The following ANKS1B variants were observed in gnomAD, a reference collection of about 807,000 sequenced individuals.
ANKS1B encodes ankyrin repeat and sterile alpha motif domain containing 1B.
ANKS1B carries 36 observed loss-of-function variants against 148.3 expected under a neutral mutation model. The observed-to-expected ratio is 0.24, with a 90% CI of 0.19 to 0.32. The LOEUF (loss-of-function observed/expected upper bound fraction) is 0.32, where lower values mean the gene tolerates loss of function less well. ANKS1B is among the 10% of genes least tolerant of loss of function. ANKS1B has a pLI of 1.00. For missense variants in ANKS1B, 1,157 were observed against 1,542.6 expected (o/e 0.75, Z 4.19); for synonymous variants, 542 against 560.8 (o/e 0.97, Z 0.47).
chr12:99,881,580 C>T (rs2092493218), intron 1 of ANKS1B, among the ~76,000 whole-genome samples: 1 of 152,132 alleles, frequency 6.6e-6, no homozygotes, highest in Non-Finnish European at 1.5e-5. Context: ...GATATGAGCC[C>T]GTCCTGAGCT....
intron 14 of ANKS1B, among the ~76,000 whole-genome samples, chr12:99,220,768 G>C (rs2084995062): frequency 6.6e-6 from 1 of 151,990 alleles, no homozygotes; most frequent in African/African-American, 2.4e-5. Context: ...TTTCTAATCA[G>C]TGAGGATGAC....
At chr12:99,202,962 CTCAAGAGT>C (rs2082238979) in intron 14 of ANKS1B, among the ~76,000 whole-genome samples, 1 of 152,196 alleles carries the variant, frequency 6.6e-6, no homozygotes, top group Non-Finnish European at 1.5e-5. Flanking sequence ...CCTCAGACTT[CTCAAGAGT>C]TCCAAGACTT....
intron 9 of ANKS1B, among the ~76,000 whole-genome samples, chr12:99,628,044 G>A (rs1445379485): frequency 6.6e-6 from 1 of 152,054 alleles, no homozygotes; most frequent in African/African-American, 2.4e-5. Context: ...GCATCACTGA[G>A]TACACTTACA....
intron 9 of ANKS1B, among the ~76,000 whole-genome samples, chr12:99,547,954 T>C (rs1476368127): frequency 1.3e-5 from 2 of 152,222 alleles, no homozygotes; most frequent in African/African-American, 2.4e-5. Flanking sequence ...AATAAATGTA[T>C]GCCCTTCCCT....
intron 12 of ANKS1B, among the ~76,000 whole-genome samples, chr12:99,319,425 T>C (rs1350751020): frequency 2.0e-5 from 3 of 151,892 alleles, no homozygotes; most frequent in African/African-American, 7.3e-5. Context: ...CATTATGAAA[T>C]GGCTTTCTTT....
chr12:98,848,552 A>G (rs904245261), intron 17 of ANKS1B, among the ~76,000 whole-genome samples: 1 of 149,778 alleles, frequency 6.7e-6, no homozygotes, highest in Non-Finnish European at 1.5e-5. Flanking sequence ...GATTCAAGTA[A>G]TTTGTGATTT....
At chr12:99,719,253 C>A (rs552368114) in intron 8 of ANKS1B, among the ~76,000 whole-genome samples, 8 of 152,326 alleles carry the variant, frequency 5.3e-5, no homozygotes, top group Admixed American at 3.9e-4. Context: ...TTCTTCCTCA[C>A]ACCTGACACA....
At chr12:99,214,954 T>C (rs2083927892) in intron 14 of ANKS1B, among the ~76,000 whole-genome samples, 1 of 152,252 alleles carries the variant, frequency 6.6e-6, no homozygotes, top group Non-Finnish European at 1.5e-5. Context: ...ATTTTGCCCC[T>C]GTCCTAGAGA....
chr12:99,113,176 GT>G (rs937783070), intron 15 of ANKS1B, among the ~76,000 whole-genome samples: 1 of 151,848 alleles, frequency 6.6e-6, no homozygotes, highest in Non-Finnish European at 1.5e-5. Flanking sequence ...CTGCATCTTC[GT>G]TTTTTTTCTT....
At chr12:98,826,149 C>T (rs1408178909) in intron 19 of ANKS1B, among the ~76,000 whole-genome samples, 1 of 152,176 alleles carries the variant, frequency 6.6e-6, no homozygotes, top group Non-Finnish European at 1.5e-5. Flanking sequence ...GTATTTATAT[C>T]ATTACATTCA....
chr12:99,174,951 A>G (rs1388130849), intron 14 of ANKS1B, among the ~76,000 whole-genome samples: 1 of 152,230 alleles, frequency 6.6e-6, no homozygotes, highest in Non-Finnish European at 1.5e-5. Flanking sequence ...AATAGAGTTA[A>G]GAAAACTGAT....
intron 10 of ANKS1B, among the ~76,000 whole-genome samples, chr12:99,451,159 C>T (rs1160878085): frequency 6.6e-6 from 1 of 152,160 alleles, no homozygotes; most frequent in Non-Finnish European, 1.5e-5. Flanking sequence ...AATAAGAGGA[C>T]TATCTTCTTG....
chr12:99,168,884 C>T (rs513022), intron 14 of ANKS1B, among the ~76,000 whole-genome samples: 127,510 of 152,222 alleles, frequency 0.84, 53,880 homozygotes, highest in East Asian at 0.99. Flanking sequence ...TTTCAGGACA[C>T]TGTCTGAAAA....
intron 8 of ANKS1B, among the ~76,000 whole-genome samples, chr12:99,705,715 A>T (rs1040679932): frequency 6.6e-6 from 1 of 152,136 alleles, no homozygotes; most frequent in African/African-American, 2.4e-5. Flanking sequence ...GGAAAGAGGC[A>T]ATAAAAATCC....
chr12:99,184,830 C>T (rs554902455), intron 14 of ANKS1B, among the ~76,000 whole-genome samples: 82 of 152,222 alleles, frequency 5.4e-4, no homozygotes, highest in African/African-American at 1.9e-3. Context: ...CACCCTGAGC[C>T]TCAGGTTTCG....
chr12:99,399,327 A>T (rs185570479), intron 12 of ANKS1B, among the ~76,000 whole-genome samples: 1 of 152,276 alleles, frequency 6.6e-6, no homozygotes, highest in African/African-American at 2.4e-5. Context: ...TCTGTTGATT[A>T]GTTGATACCG....
At chr12:99,403,152 C>CTTTTTTTTT (rs143800860) in intron 11 of ANKS1B, among the ~76,000 whole-genome samples, 40 of 73,158 alleles carry the variant, frequency 5.5e-4, no homozygotes, top group Non-Finnish European at 5.6e-4. Context: ...ACTTTTCTTT[C>CTTTTTTTTT]TTTTTTTTTT....
At chr12:99,323,335 G>A (rs1047720708) in intron 12 of ANKS1B, among the ~76,000 whole-genome samples, 1 of 152,100 alleles carries the variant, frequency 6.6e-6, no homozygotes, top group African/African-American at 2.4e-5. Flanking sequence ...ATTAATTTCT[G>A]CATGGCATTC....
At chr12:99,923,837 T>C (rs2094423616) in intron 1 of ANKS1B, among the ~76,000 whole-genome samples, 1 of 152,076 alleles carries the variant, frequency 6.6e-6, no homozygotes, top group Non-Finnish European at 1.5e-5. Context: ...CTGTGCCTTA[T>C]CCCCCTTATA....
Sources: allele counts gnomAD v4.1 joint callset (sites outside exome capture counted in the v4.1 genomes callset), GRCh38; gene constraint gnomAD v4.1.1; transcripts MANE v1.5; gene names NCBI Gene and HGNC (gene_info 2026-07-23, HGNC 2026-07-21).